Variants in VPS13A observed in about 807,000 individuals in gnomAD.
The protein encoded by VPS13A is vacuolar protein sorting 13 homolog A.
In VPS13A, 264 loss-of-function variants were observed where a neutral mutation model predicts 390.9. The ratio of observed to expected loss-of-function variants is 0.68; its 90% CI spans 0.61 to 0.75. The LOEUF (loss-of-function observed/expected upper bound fraction) is 0.75. Ranked by LOEUF, VPS13A falls within the 30% of genes least tolerant of loss-of-function variation. The probability of loss-of-function intolerance (pLI) is 0.00; values close to 1 mark genes in which losing one functional copy is unlikely to be tolerated. For missense variants in VPS13A, 3,409 were observed against 3,733.9 expected (o/e 0.91, Z 2.27); for synonymous variants, 1,231 against 1,227.1 (o/e 1.00, Z -0.07).
intron 22 of VPS13A, among the ~76,000 whole-genome samples, chr9:77,258,304 CTAGT>C (rs1404969156): frequency 3.9e-5 from 6 of 152,120 alleles, no homozygotes; most frequent in Non-Finnish European, 8.8e-5. Context: ...GGCTTCATGC[CTAGT>C]TAAAGTGTAC....
intron 40 of VPS13A, 81 bp downstream of exon 40, chr9:77,317,779 TTTAA>T (rs1350205547): frequency 6.5e-6 from 7 of 1,083,452 alleles, no homozygotes; most frequent in South Asian, 5.0e-5. Flanking sequence ...TAGCAAGTCT[TTTAA>T]TTGTTATGCA....
chr9:77,220,369 C>T lies in VPS13A; in HGVS notation c.975C>T (p.His325=), dbSNP rs1380654828. The stretch of plus-strand genomic sequence containing the variant: ...TCAAACCTGATGTGCCTCTTCACCA[C>T]CATGCCAGAGAATGGTAAATGCCTT... ...RKFKPDVPLH[H]HAREWWAYAI... The change falls in exon 12 of 72, where the codon CAC becomes CAT. Residue 325 remains histidine (H), a synonymous_variant. Transcript: ENST00000360280. 3 of 1,608,884 alleles carry T rather than the reference C, an allele frequency of 1.9e-6. No individual in the cohort carries two copies. The Admixed American group carries it at 5.0e-5, about 27-fold the overall frequency.
At chr9:77,377,436 G>T (rs1324791289) in intron 67 of VPS13A, among the ~76,000 whole-genome samples, 1 of 151,864 alleles carries the variant, frequency 6.6e-6, no homozygotes, top group Non-Finnish European at 1.5e-5. Flanking sequence ...AGCCAGGATG[G>T]TCCCGATCTC....
rs565307698 is a variant in VPS13A at position 77,192,598 on chromosome 9, A to G, written c.101-7347A>G. 2.0e-5 allele frequency among the ~76,000 whole-genome samples: 3 copies of G among 152,144 alleles called. No homozygotes were observed. The South Asian group carries it at 6.2e-4, about 32-fold the overall frequency. On this transcript the variant is annotated intron_variant, in intron 1 of 71. Transcript: ENST00000360280. ...ATATTTTATTTCTGATTCACTTATG[A>G]AGTTTAGTTTGGTTAGATATGAAAT...
At chr9:77,328,719 G>A (rs900777721) in intron 45 of VPS13A, among the ~76,000 whole-genome samples, 5 of 152,076 alleles carry the variant, frequency 3.3e-5, no homozygotes, top group African/African-American at 1.2e-4. Flanking sequence ...CTTTTTTTCT[G>A]CAACTTGCTC....
intron 59 of VPS13A, among the ~76,000 whole-genome samples, chr9:77,361,960 C>A (rs1389946870): frequency 6.6e-6 from 1 of 152,022 alleles, no homozygotes; most frequent in Non-Finnish European, 1.5e-5. Context: ...AGTTAATTTG[C>A]ATATCTTATG....
chr9:77,205,258 G>C, intron 3 of VPS13A, 55 bp from the exon 4 acceptor site: 1 of 944,186 alleles, frequency 1.1e-6, no homozygotes. Context: ...AACCATAAAT[G>C]CAGGTTGAAG....
intron 35 of VPS13A, among the ~76,000 whole-genome samples, chr9:77,310,778 G>C (rs1829028022): frequency 1.3e-5 from 2 of 152,172 alleles, no homozygotes; most frequent in South Asian, 4.1e-4. Context: ...AAGCCTTAAA[G>C]AGTGAGAGAA....
Position 77,356,643 on chromosome 9 carries a change from G to T in VPS13A, c.7653-71G>T, listed in dbSNP as rs576931236. 6.2e-4 allele frequency: 919 copies of T among 1,487,788 alleles called. 6 individuals carry two copies. The South Asian group carries it at 7.0e-3, about 11-fold the overall frequency. 92.2% of individuals were successfully genotyped at this position (1,487,788 alleles called of 1,614,324 possible). On this transcript the variant is annotated intron_variant, in intron 54 of 71. Coordinates refer to ENST00000360280, the MANE Select transcript of VPS13A (RefSeq NM_033305.3). ...TTTTAGTGAAGGTATTGTAATTCAT[G>T]TAATAAACCAGTTAAAATAAATGTT...
chr9:77,278,093 T>A (rs1826793388), intron 26 of VPS13A, among the ~76,000 whole-genome samples: 1 of 152,028 alleles, frequency 6.6e-6, no homozygotes, highest in Non-Finnish European at 1.5e-5. Flanking sequence ...TTTTTTGAGA[T>A]GGAGTCTCGC....
chr9:77,289,748 A>G (rs370196528), intron 31 of VPS13A, among the ~76,000 whole-genome samples: 236 of 146,706 alleles, frequency 1.6e-3, no homozygotes, highest in African/African-American at 5.3e-3. Flanking sequence ...GTTTCTGTCT[A>G]TTGTTTGTAT....
At chr9:77,241,650 A>G (rs1293613351) in intron 19 of VPS13A, among the ~76,000 whole-genome samples, 1 of 152,024 alleles carries the variant, frequency 6.6e-6, no homozygotes. Flanking sequence ...TCCTTAGAAT[A>G]TTATTTGGGA....
Position 77,368,106 on chromosome 9 carries a change from G to A in VPS13A, c.8523G>A (p.Gln2841=), listed in dbSNP as rs1438852023. Residue 2841 remains glutamine (Q), a synonymous_variant, in exon 62 of 72, where the codon CAG becomes CAA. Transcript: ENST00000360280. ...AGTTCCATACAACATCCGATCTACA[G>A]TCTGAAGTCATAAGACACTATTCAA... is the stretch of plus-strand genomic sequence containing the variant. The part of the protein sequence containing the change: ...NYQFHTTSDL[Q]SEVIRHYSKQ... 1 of 1,612,422 alleles carries A rather than the reference G, an allele frequency of 6.2e-7. No individual in the cohort carries two copies. The highest frequency in any genetic ancestry group is 8.5e-7 in the Non-Finnish European group (1 of 1,179,478).
rs1589998311 is a variant in VPS13A, at chr9:77,207,516, T to A, written c.385+1437T>A. Reference sequence around the variant, plus strand: ...TCAGAATTCATTGTTAATAGTATCATGGCTATATATAAATGTTTTATTTAT... The same window carrying A: ...TCAGAATTCATTGTTAATAGTATCAAGGCTATATATAAATGTTTTATTTAT... On this transcript the variant is annotated intron_variant, in intron 5 of 71. Transcript: ENST00000360280. 2.0e-5 allele frequency among the ~76,000 whole-genome samples: 3 copies of A among 151,504 alleles called. No homozygotes were observed. In the East Asian group the frequency reaches 5.8e-4, roughly 29 times the overall value.
chr9:77,373,991 G>C (rs974564507), intron 67 of VPS13A, among the ~76,000 whole-genome samples: 9 of 152,110 alleles, frequency 5.9e-5, no homozygotes, highest in African/African-American at 2.2e-4. Context: ...AGTTAAGCAA[G>C]CTTTTCAGTT....
Position 77,192,164 on chromosome 9 carries a change from T to C in VPS13A, c.101-7781T>C, listed in dbSNP as rs183505574. ...TGTTTTGTCTGAAATAAGTTACCCA[T>C]GCCTGCCCTTTTTTGTTTTACTTGC... On this transcript the variant is annotated intron_variant, in intron 1 of 71. Transcript: ENST00000360280. Among the ~76,000 whole-genome samples, 45 of 152,314 alleles carry C rather than the reference T, an allele frequency of 3.0e-4. 1 individual carries two copies. In the East Asian group the frequency reaches 8.3e-3, roughly 28 times the overall value.
intron 35 of VPS13A, among the ~76,000 whole-genome samples, chr9:77,312,864 G>T (rs977395082): frequency 6.6e-6 from 1 of 152,100 alleles, no homozygotes; most frequent in Non-Finnish European, 1.5e-5. Flanking sequence ...TTACCACTTT[G>T]GCAAAGAATT....
chr9:77,392,329 G>T (rs975033191), intron 68 of VPS13A, among the ~76,000 whole-genome samples: 1 of 152,110 alleles, frequency 6.6e-6, no homozygotes, highest in East Asian at 1.9e-4. Flanking sequence ...GTGCTAACTC[G>T]TTTTGTTAAT....
chr9:77,177,837 C>G (rs777646984), intron 1 of VPS13A, 33 bp downstream of exon 1: 1 of 1,583,200 alleles, frequency 6.3e-7, no homozygotes, highest in African/African-American at 1.3e-5. Context: ...TCCCCGGCCT[C>G]TCGTGCTTCC....
Sources: gnomAD v4.1 joint callset for allele counts (sites outside exome capture counted in the v4.1 genomes callset) on GRCh38, gnomAD v4.1.1 for gene constraint, MANE v1.5 for transcripts, NCBI Gene and HGNC (gene_info 2026-07-23, HGNC 2026-07-21) for gene names.